The following TMPRSS11D variants were observed in gnomAD, a reference collection of about 807,000 sequenced individuals.
TMPRSS11D encodes transmembrane serine protease 11D.
A neutral mutation model predicts 44.4 loss-of-function variants in TMPRSS11D; 32 were observed. The observed-to-expected ratio is 0.72, with a 90% CI of 0.54 to 0.97. TMPRSS11D has a LOEUF of 0.97. Ranked by LOEUF, TMPRSS11D falls within the 50% of genes least tolerant of loss-of-function variation. The pLI is 0.00. For synonymous variants in TMPRSS11D, 179 were observed against 177.9 expected (o/e 1.01, Z -0.05); for missense variants, 446 against 502.6 (o/e 0.89, Z 1.08).
At chr4:67,849,127 A>T (rs1222094220) in intron 3 of TMPRSS11D, among the ~76,000 whole-genome samples, 1 of 152,190 alleles carries the variant, frequency 6.6e-6, no homozygotes, top group Non-Finnish European at 1.5e-5. Flanking sequence ...GATGGATAGG[A>T]TATTTGGAAT....
At chr4:67,857,256 G>C (rs1647031826) in intron 2 of TMPRSS11D, among the ~76,000 whole-genome samples, 2 of 135,680 alleles carry the variant, frequency 1.5e-5, no homozygotes, top group Admixed American at 1.5e-4. Flanking sequence ...CAAATGAACG[G>C]ATAAAGAAAA....
chr4:67,864,294 A>C (rs1171250570), intron 1 of TMPRSS11D, among the ~76,000 whole-genome samples: 2 of 152,020 alleles, frequency 1.3e-5, no homozygotes, highest in East Asian at 3.9e-4. Flanking sequence ...ACCTATCTCC[A>C]TTGAGGTACT....
intron 3 of TMPRSS11D, among the ~76,000 whole-genome samples, chr4:67,847,781 A>G (rs1718391531): frequency 1.3e-5 from 2 of 152,210 alleles, no homozygotes; most frequent in Non-Finnish European, 2.9e-5. Context: ...TAGAGAAAAA[A>G]TACATGTAAA....
At chr4:67,832,500 G>A (rs965549002) in intron 7 of TMPRSS11D, among the ~76,000 whole-genome samples, 6 of 151,824 alleles carry the variant, frequency 4.0e-5, no homozygotes, top group African/African-American at 1.5e-4. Flanking sequence ...TCACCCTAGT[G>A]TTGGCAATAG....
chr4:67,852,799 A>G (rs547947153), intron 3 of TMPRSS11D, among the ~76,000 whole-genome samples: 2 of 152,334 alleles, frequency 1.3e-5, no homozygotes, highest in South Asian at 2.1e-4. Context: ...ATAAACATTT[A>G]TTAAGCATCA....
rs561352297 is a variant in TMPRSS11D, at chr4:67,883,978, C to T, written c.-45G>A. ...GTTCTTTTTTCTGCCTACTCAACTG[C>T]TTTGAGATTCCCACTCAAATGAATG... On this transcript the variant is annotated 5_prime_UTR_variant, in exon 1 of 10. Transcript: ENST00000283916. The T allele has an allele frequency of 8.0e-4, 1,254 of 1,576,370 alleles. 20 individuals are homozygous for T. The South Asian group carries it at 0.013, about 17-fold the overall frequency.
At chr4:67,881,375 C>A (rs569006863) in intron 1 of TMPRSS11D, among the ~76,000 whole-genome samples, 11 of 152,288 alleles carry the variant, frequency 7.2e-5, no homozygotes, top group Middle Eastern at 3.4e-3. Context: ...TGACTGACTG[C>A]AGCTGATCTT....
chr4:67,855,294 C>A (rs1718611908), intron 2 of TMPRSS11D, among the ~76,000 whole-genome samples: 2 of 148,282 alleles, frequency 1.3e-5, no homozygotes, highest in African/African-American at 2.5e-5. Flanking sequence ...TACTGATGAA[C>A]ACAGAGGCAA....
At chr4:67,829,448 A>G (rs1448834574) in intron 7 of TMPRSS11D, among the ~76,000 whole-genome samples, 1 of 143,642 alleles carries the variant, frequency 7.0e-6, no homozygotes, top group Non-Finnish European at 1.5e-5. Context: ...CAGTAGCGTT[A>G]AAAAAAAAAA....
intron 7 of TMPRSS11D, among the ~76,000 whole-genome samples, chr4:67,829,141 G>C (rs543768325): frequency 1.9e-4 from 29 of 151,602 alleles, no homozygotes; most frequent in Non-Finnish European, 3.8e-4. Flanking sequence ...TCTTTAAAAG[G>C]CACCCATTTT....
At chr4:67,838,072 CAAAG>C in intron 5 of TMPRSS11D, 96 bp downstream of exon 5, 1 of 1,052,308 alleles carries the variant, frequency 9.5e-7, no homozygotes, top group Non-Finnish European at 1.3e-6. Flanking sequence ...AGTTTAGTTT[CAAAG>C]AAAGAAAAGT....
chr4:67,860,341 C>A (rs1377387458), intron 1 of TMPRSS11D: 4 of 152,092 alleles, frequency 2.6e-5, no homozygotes, highest in Non-Finnish European at 5.9e-5. Flanking sequence ...CACACACTGA[C>A]ACTGGGGAAG....
rs575812163 is a variant in TMPRSS11D at position 67,844,372 on chromosome 4, C to T, written c.250-1747G>A. On this transcript the variant is annotated intron_variant, in intron 3 of 9. Coordinates refer to ENST00000283916, the MANE Select transcript of TMPRSS11D (RefSeq NM_004262.3). ...AAATGATAATTTTCTTTTTTTTTTC[C>T]AGAGAACCTTTGAACAATTTTAAGA... Among the ~76,000 whole-genome samples, 4 of 151,772 alleles carry T rather than the reference C, an allele frequency of 2.6e-5. No homozygotes were observed. In the East Asian group the frequency reaches 7.7e-4, roughly 29 times the overall value.
chr4:67,879,893 G>A (rs1156688641), intron 1 of TMPRSS11D, among the ~76,000 whole-genome samples: 1 of 152,168 alleles, frequency 6.6e-6, no homozygotes, highest in Non-Finnish European at 1.5e-5. Context: ...TATCTGTAAT[G>A]GCAATATACT....
intron 1 of TMPRSS11D, among the ~76,000 whole-genome samples, chr4:67,880,950 A>C (rs181792620): frequency 6.6e-6 from 1 of 152,338 alleles, no homozygotes; most frequent in Admixed American, 6.5e-5. Flanking sequence ...AAACTTTTCC[A>C]AAGTCCATTT....
intron 4 of TMPRSS11D, 91 bp downstream of exon 4, chr4:67,842,467 G>C: frequency 8.7e-7 from 1 of 1,153,940 alleles, no homozygotes; most frequent in Non-Finnish European, 1.3e-6. Flanking sequence ...CAACTTATCT[G>C]AACATGTCAT....
chr4:67,846,508 A>G (rs1718360598), intron 3 of TMPRSS11D, among the ~76,000 whole-genome samples: 1 of 152,166 alleles, frequency 6.6e-6, no homozygotes, highest in Non-Finnish European at 1.5e-5. Context: ...AAAAGTTTCC[A>G]CATAATTACC....
intron 3 of TMPRSS11D, among the ~76,000 whole-genome samples, chr4:67,847,701 T>A (rs6828576): frequency 0.71 from 108,032 of 152,162 alleles, 40,841 homozygotes; most frequent in Middle Eastern, 0.84. Context: ...GTTTAATGAT[T>A]TAACTATTTG....
intron 1 of TMPRSS11D, among the ~76,000 whole-genome samples, chr4:67,860,226 C>T (rs1045809957): frequency 1.3e-5 from 2 of 151,920 alleles, no homozygotes; most frequent in South Asian, 2.1e-4. Flanking sequence ...GAGCTAGGAT[C>T]GGGGAGAATA....
Sources: gnomAD v4.1 joint callset for allele counts (sites outside exome capture counted in the v4.1 genomes callset) on GRCh38, gnomAD v4.1.1 for gene constraint, MANE v1.5 for transcripts, NCBI Gene and HGNC (gene_info 2026-07-23, HGNC 2026-07-21) for gene names.